Variants in ASGR2 observed in about 807,000 individuals in gnomAD.
ASGR2 encodes the protein C-type lectin domain family 4 member H2.
ASGR2 carries 34 observed loss-of-function variants against 32.3 expected under a neutral mutation model. That is an observed-to-expected ratio of 1.05 (90% CI 0.80 to 1.40). The LOEUF (loss-of-function observed/expected upper bound fraction) is 1.40, where lower values mean the gene tolerates loss of function less well. Among genes scored for constraint, ASGR2 ranks in the 40% most tolerant of loss-of-function variants. ASGR2 has a pLI of 0.00. For missense variants in ASGR2, 385 were observed against 386.4 expected, an observed-to-expected ratio of 1.00 and a Z score of 0.03; for synonymous variants, 143 against 150.0, an observed-to-expected ratio of 0.95 and a Z score of 0.34.
chr17:7,101,840 T>C, intron 8 of ASGR2, 100 bp from the exon 9 acceptor site: 1 of 1,471,266 alleles, frequency 6.8e-7, no homozygotes, highest in Non-Finnish European at 9.2e-7. Flanking sequence ...AGGCCGAGAG[T>C]GGAGCTGGGG....
chr17:7,111,447 G>C (rs1283563745), intron 2 of ASGR2, among the ~76,000 whole-genome samples: 1 of 152,084 alleles, frequency 6.6e-6, no homozygotes, highest in South Asian at 2.1e-4. Context: ...ATGAGGTCAG[G>C]AGATCGACAC....
In ASGR2 at chr17:7,106,050, G is replaced by A. The variant is rs111665088; in HGVS notation, c.648+950C>T. ...GATCCGCCCACCTCGGCCTCCCAAA[G>A]TGCTGGGATTACAGGCGTGAGCCAC... On this transcript the variant is annotated intron_variant, in intron 7 of 8. Coordinates refer to ENST00000691900, the MANE Select transcript of ASGR2 (RefSeq NM_001201352.2). Among the ~76,000 whole-genome samples the A allele has an allele frequency of 2.6e-3, 396 of 152,210 alleles. 1 individual carries two copies. The highest frequency in any genetic ancestry group is 9.1e-3 in the African/African-American group (378 of 41,528).
chr17:7,115,084 AC>A, upstream of ASGR2: 1 of 875,652 alleles, frequency 1.1e-6, no homozygotes, highest in Non-Finnish European at 1.4e-6. This position sits in a 1 kb window ranked among gnomAD's most constrained non-coding sequence, Gnocchi z 4.2. Flanking sequence ...AATATCCCTG[AC>A]CAGGATCACA....
rs1438973041 is a variant in ASGR2 at position 7,108,630 on chromosome 17, C to G, written c.242-73G>C. 3 of 1,601,774 alleles carry G rather than the reference C, an allele frequency of 1.9e-6. No individual in the cohort carries two copies. The highest frequency in any genetic ancestry group is 4.5e-5 in the East Asian group (2 of 44,672). Reference sequence around the variant, plus strand: ...CCATCACTGTCCATGTGACTGGCCCCTCAATGTCCCCGCATTTGCCCCAGC... The same window carrying G: ...CCATCACTGTCCATGTGACTGGCCCGTCAATGTCCCCGCATTTGCCCCAGC... On this transcript the variant is annotated intron_variant, in intron 3 of 8. Coordinates refer to ENST00000691900, the MANE Select transcript of ASGR2 (RefSeq NM_001201352.2). This position sits in a 1 kb window ranked among gnomAD's most constrained non-coding sequence, Gnocchi z 4.9.
At chr17:7,111,467 T>A (rs532075822) in intron 2 of ASGR2, among the ~76,000 whole-genome samples, 1 of 151,782 alleles carries the variant, frequency 6.6e-6, no homozygotes, top group East Asian at 1.9e-4. Flanking sequence ...CCATCCTGGC[T>A]AACATGGTGA....
At chr17:7,111,092 C>T (rs1914559414) in intron 2 of ASGR2, among the ~76,000 whole-genome samples, 1 of 152,216 alleles carries the variant, frequency 6.6e-6, no homozygotes, top group Non-Finnish European at 1.5e-5. Context: ...AAATATCCAG[C>T]ACCCAACAAG....
chr17:7,114,937 CG>C (rs1567776466), upstream of ASGR2: 20 of 981,584 alleles, frequency 2.0e-5, no homozygotes, highest in Non-Finnish European at 2.4e-5. This position sits in a 1 kb window ranked among gnomAD's most constrained non-coding sequence, Gnocchi z 4.5. Context: ...CAACTCCACA[CG>C]CCACTCACCC....
Position 7,107,997 on chromosome 17 carries a change from G to C in ASGR2, c.338-90C>G. The C allele has an allele frequency of 6.8e-7, 1 of 1,463,468 alleles. No homozygotes were observed. Among genetic ancestry groups the C allele is most frequent in the Non-Finnish European group, 9.3e-7 (1 of 1,072,902 alleles). 90.7% of individuals were successfully genotyped at this position (1,463,468 alleles called of 1,614,324 possible). A position where few individuals can be genotyped will look rare whatever the true frequency, so the allele number is the denominator to read the frequency against. The stretch of plus-strand genomic sequence containing the variant: ...CGGGGGCCAGCGCCTCGTCCTGGGC[G>C]ATGCAGGCGTCCACCTCCTGGCTTC... On this transcript the variant is annotated intron_variant, in intron 4 of 8. Coordinates refer to ENST00000691900, the MANE Select transcript of ASGR2 (RefSeq NM_001201352.2). The surrounding 1 kb of genome is among the most constrained non-coding windows in gnomAD (Gnocchi z 5.0).
rs538786583 is a variant in ASGR2, at chr17:7,111,517, G to A, written c.124+2600C>T. 1.1e-3 allele frequency among the ~76,000 whole-genome samples: 170 copies of A among 152,120 alleles called. 2 individuals are homozygous for A. The highest frequency in any genetic ancestry group is 3.2e-3 in the African/African-American group (132 of 41,516). ...TAAAAATACAAAAAATTAGCCAGAC[G>A]TGGTGGCAGGCGCCTGTAGTCCCAG... On this transcript the variant is annotated intron_variant, in intron 2 of 8. Coordinates refer to ENST00000691900, the MANE Select transcript of ASGR2 (RefSeq NM_001201352.2).
chr17:7,104,348 TAAAA>T (rs71383461), intron 7 of ASGR2, among the ~76,000 whole-genome samples: 1 of 79,818 alleles, frequency 1.3e-5, no homozygotes, highest in Admixed American at 1.6e-4. Context: ...AACTCTGTCT[TAAAA>T]AAAAAAAAAA....
intron 2 of ASGR2, among the ~76,000 whole-genome samples, chr17:7,112,525 C>T (rs1407814260): frequency 1.3e-5 from 2 of 152,172 alleles, no homozygotes; most frequent in East Asian, 1.9e-4. Flanking sequence ...AGCAGCATCC[C>T]GTATTCTCTC....
rs541957700 is a variant in ASGR2 at position 7,108,641 on chromosome 17, C to T, written c.242-84G>A. On this transcript the variant is annotated intron_variant, in intron 3 of 8. Coordinates refer to ENST00000691900, the MANE Select transcript of ASGR2 (RefSeq NM_001201352.2). The surrounding 1 kb of genome is among the most constrained non-coding windows in gnomAD (Gnocchi z 4.9). ...CATGTGACTGGCCCCTCAATGTCCC[C>T]GCATTTGCCCCAGCTTGTGCTCCAC... 479 of 1,600,968 alleles carry T rather than the reference C, an allele frequency of 3.0e-4. 4 individuals are homozygous for T. In the South Asian group the frequency reaches 4.7e-3, roughly 16 times the overall value.
chr17:7,113,654 TCA>T lies in ASGR2; in HGVS notation c.124+461_124+462del, dbSNP rs1289555423. ...TACACACACAACACACAACATACAC[TCA>T]CACACAAGATACACACAACATATAC... On this transcript the variant is annotated intron_variant, in intron 2 of 8. Transcript: ENST00000691900. The surrounding 1 kb of genome is among the most constrained non-coding windows in gnomAD (Gnocchi z 5.1). Among the ~76,000 whole-genome samples, 9 of 147,172 alleles carry T rather than the reference TCA, an allele frequency of 6.1e-5. No individual in the cohort carries two copies. The East Asian group carries it at 1.0e-3, about 17-fold the overall frequency.
rs934199380 is a variant in ASGR2, at chr17:7,108,401, T to G, written c.337+61A>C. 1.3e-6 allele frequency: 2 copies of G among 1,508,258 alleles called. No homozygotes were observed. The highest frequency in any genetic ancestry group is 2.8e-5 in the African/African-American group (2 of 72,528). 93.4% of individuals were successfully genotyped at this position (1,508,258 alleles called of 1,614,324 possible). On this transcript the variant is annotated intron_variant, in intron 4 of 8. Transcript: ENST00000691900. The surrounding 1 kb of genome is among the most constrained non-coding windows in gnomAD (Gnocchi z 4.9). ...CACCCCACACAGCCCTGTTGCAGAC[T>G]CGGCACTGAGCCCAGCAAACCTGTG... is the stretch of plus-strand genomic sequence containing the variant.
intron 8 of ASGR2, 88 bp downstream of exon 8, chr17:7,102,002 A>AG: frequency 7.3e-7 from 1 of 1,362,854 alleles, no homozygotes; most frequent in Non-Finnish European, 1.0e-6. Flanking sequence ...TTGGTCCCTG[A>AG]GGGACGAGTC....
Position 7,107,129 on chromosome 17 carries a change from G to A in ASGR2, c.519C>T (p.Pro173=), listed in dbSNP as rs368404063. The change falls in exon 7 of 9, where the codon CCC becomes CCT. Residue 173 remains proline (P), a synonymous_variant. Coordinates refer to ENST00000691900, the MANE Select transcript of ASGR2 (RefSeq NM_001201352.2). The surrounding 1 kb of genome is among the most constrained non-coding windows in gnomAD (Gnocchi z 5.0). ...HSNGSQRTCC[P]VNWVEHQGSC... is the part of the protein sequence containing the mutation. The stretch of plus-strand genomic sequence containing the variant: ...TGCCTTGGTGCTCCACCCAGTTGAC[G>A]GGGCAGCAGGTCCTTTGGGAGCCTG... 102 of 1,614,194 alleles carry A rather than the reference G, an allele frequency of 6.3e-5. No individual in the cohort carries two copies. The East Asian group carries it at 1.3e-3, about 20-fold the overall frequency.
Position 7,107,477 on chromosome 17 carries a change from CAT to C in ASGR2, c.410-162_410-161del, listed in dbSNP as rs1913919373. 10 of 725,672 alleles carry C rather than the reference CAT, an allele frequency of 1.4e-5. 1 individual carries two copies. In the Admixed American group the frequency reaches 2.1e-4, roughly 15 times the overall value. 45.0% of individuals were successfully genotyped at this position (725,672 alleles called of 1,614,324 possible). On this transcript the variant is annotated intron_variant, in intron 5 of 8. Coordinates refer to ENST00000691900, the MANE Select transcript of ASGR2 (RefSeq NM_001201352.2). The surrounding 1 kb of genome is among the most constrained non-coding windows in gnomAD (Gnocchi z 5.0). Reference sequence around the variant, plus strand: ...ACACACCACAGACATGTACACCACACATAGACCACACCACACACAGATCCATC... The same window carrying C: ...ACACACCACAGACATGTACACCACACAGACCACACCACACACAGATCCATC...
In ASGR2 at chr17:7,108,669, C is replaced by A. The variant is rs1191240029; in HGVS notation, c.241+103G>T. ...ATTTGCCCCAGCTTGTGCTCCACCCCGCCTCCATCCCTTCCCCTCCCATCG... is the reference window on the plus strand; with the variant it reads ...ATTTGCCCCAGCTTGTGCTCCACCCAGCCTCCATCCCTTCCCCTCCCATCG... On this transcript the variant is annotated intron_variant, in intron 3 of 8. Transcript: ENST00000691900. This position sits in a 1 kb window ranked among gnomAD's most constrained non-coding sequence, Gnocchi z 4.9. The A allele has an allele frequency of 1.9e-6, 3 of 1,604,802 alleles. No homozygotes were observed. Among genetic ancestry groups the A allele is most frequent in the Non-Finnish European group, 2.6e-6 (3 of 1,174,132 alleles).
At position 7,108,602 on chromosome 17, in the gene ASGR2, TC is replaced by T. The variant is rs1198955170; in HGVS notation, c.242-46del. ...GGCAGGATGAGGCAGAGGGGCCGTG[TC>T]CCCATCACTGTCCATGTGACTGGCC... On this transcript the variant is annotated intron_variant, in intron 3 of 8. Coordinates refer to ENST00000691900, the MANE Select transcript of ASGR2 (RefSeq NM_001201352.2). The surrounding 1 kb of genome is among the most constrained non-coding windows in gnomAD (Gnocchi z 4.9). 2 of 1,603,046 alleles carry T rather than the reference TC, an allele frequency of 1.2e-6. No homozygotes were observed. Among genetic ancestry groups the T allele is most frequent in the Non-Finnish European group, 1.7e-6 (2 of 1,173,962 alleles).
Sources: allele counts gnomAD v4.1 joint callset (sites outside exome capture counted in the v4.1 genomes callset), GRCh38; gene constraint gnomAD v4.1.1; non-coding constraint Gnocchi (gnomAD v3.1); transcripts MANE v1.5; gene names NCBI Gene and HGNC (gene_info 2026-07-23, HGNC 2026-07-21).